LUZP2: variants seen among roughly 807,000 people sequenced by gnomAD.
The protein encoded by LUZP2 is leucine zipper protein 2.
A neutral mutation model predicts 51.6 loss-of-function variants in LUZP2; 52 were observed. That is an observed-to-expected ratio of 1.01 (90% CI 0.81 to 1.27). LUZP2 has a LOEUF of 1.27. Among genes scored for constraint, LUZP2 ranks in the 50% most tolerant of loss-of-function variants. The probability of loss-of-function intolerance (pLI) is 0.00; values close to 1 mark genes in which losing one functional copy is unlikely to be tolerated. For synonymous variants in LUZP2, 154 were observed against 137.3 expected (o/e 1.12, Z -0.85); for missense variants, 436 against 395.4 (o/e 1.10, Z -0.87).
chr11:24,899,805 T>C (rs1853217430), intron 5 of LUZP2, among the ~76,000 whole-genome samples: 1 of 152,062 alleles, frequency 6.6e-6, no homozygotes, highest in Admixed American at 6.6e-5. Context: ...CATGAAGCAA[T>C]AACTGACAGA....
intron 3 of LUZP2, among the ~76,000 whole-genome samples, chr11:24,736,508 CTTCCTTCCTTCCTTCT>C (rs974922791): frequency 1.3e-5 from 1 of 75,626 alleles, no homozygotes; most frequent in African/African-American, 3.4e-5. Flanking sequence ...TCCTTCCTTC[CTTCCTTCCTTCCTTCT>C]CAGTAGAGAT....
Position 24,740,231 on chromosome 11 carries a change from CT to C in LUZP2, c.333+1930del, listed in dbSNP as rs544502880. On this transcript the variant is annotated intron_variant, in intron 4 of 11. Coordinates refer to ENST00000336930, the MANE Select transcript of LUZP2 (RefSeq NM_001009909.4). Reference sequence around the variant, plus strand: ...TAGCTTGTATTTGCACAGCTATAAGCTAAGGCATGAACTCATAATTATTCCA... The same window carrying C: ...TAGCTTGTATTTGCACAGCTATAAGCAAGGCATGAACTCATAATTATTCCA... Among the ~76,000 whole-genome samples the C allele has an allele frequency of 7.2e-4, 110 of 152,232 alleles. 1 individual carries two copies. The highest frequency in any genetic ancestry group is 2.6e-3 in the African/African-American group (107 of 41,562).
At chr11:24,949,090 A>C (rs1335844234) in intron 7 of LUZP2, among the ~76,000 whole-genome samples, 1 of 151,704 alleles carries the variant, frequency 6.6e-6, no homozygotes, top group African/African-American at 2.4e-5. Context: ...CAAACATCTG[A>C]AAACTAGGAG....
rs192031680 is a variant in LUZP2, at chr11:24,707,933, C to T, written c.63-21236C>T. Among the ~76,000 whole-genome samples the T allele has an allele frequency of 3.0e-3, 450 of 152,144 alleles. 1 individual carries two copies. The highest frequency in any genetic ancestry group is 0.011 in the African/African-American group (438 of 41,520). On this transcript the variant is annotated intron_variant, in intron 1 of 11. Transcript: ENST00000336930. ...GGTTCTTATCTCTGACGCACGTGGCCCCTGCTGCAGTGTCATTCCCCCATT... is the reference window on the plus strand; with the variant it reads ...GGTTCTTATCTCTGACGCACGTGGCTCCTGCTGCAGTGTCATTCCCCCATT...
intron 5 of LUZP2, among the ~76,000 whole-genome samples, chr11:24,813,237 G>C (rs1590575236): frequency 6.6e-6 from 1 of 152,016 alleles, no homozygotes; most frequent in Non-Finnish European, 1.5e-5. Context: ...TTCTTGTCTG[G>C]TAGTTCTCTA....
At position 24,519,905 on chromosome 11, in the gene LUZP2, C is replaced by T. The variant is rs185604093; in HGVS notation, c.62+22600C>T. On this transcript the variant is annotated intron_variant, in intron 1 of 11. Coordinates refer to ENST00000336930, the MANE Select transcript of LUZP2 (RefSeq NM_001009909.4). ...GACATGAAGATACTTGTTGACAGCA[C>T]AGTACCTTTGTTCCTCTCTAGTAAC... is the stretch of plus-strand genomic sequence containing the variant. 3.9e-3 allele frequency among the ~76,000 whole-genome samples: 594 copies of T among 152,320 alleles called. 1 individual carries two copies. Among genetic ancestry groups the T allele is most frequent in the Middle Eastern group, 0.017 (5 of 294 alleles).
chr11:24,540,235 C>T (rs904922655), intron 1 of LUZP2, among the ~76,000 whole-genome samples: 4 of 151,990 alleles, frequency 2.6e-5, no homozygotes, highest in Admixed American at 1.3e-4. Context: ...ACGTTAGAAG[C>T]CCACAAGTAG....
intron 1 of LUZP2, among the ~76,000 whole-genome samples, chr11:24,609,714 A>C (rs1288332217): frequency 1.5e-5 from 2 of 131,690 alleles, no homozygotes. Flanking sequence ...TGGATGATAG[A>C]GCAAGACTCC....
At chr11:25,045,814 T>C (rs966712382) in intron 9 of LUZP2, among the ~76,000 whole-genome samples, 3 of 152,210 alleles carry the variant, frequency 2.0e-5, no homozygotes, top group Non-Finnish European at 2.9e-5. Flanking sequence ...AGTTTCACTT[T>C]ATTGACTTGA....
intron 5 of LUZP2, among the ~76,000 whole-genome samples, chr11:24,774,418 T>G (rs1848852286): frequency 7.5e-6 from 1 of 133,470 alleles, no homozygotes; most frequent in East Asian, 2.3e-4. Flanking sequence ...AATATATTCT[T>G]TATATATCTG....
In LUZP2 at chr11:24,910,696, T is replaced by G. The variant is rs193284986; in HGVS notation, c.460-3780T>G. On this transcript the variant is annotated intron_variant, in intron 6 of 11. Coordinates refer to ENST00000336930, the MANE Select transcript of LUZP2 (RefSeq NM_001009909.4). ...ATGCCTGGATGTCCAGGCAGAAATGTCCTGCAGGGGCGGAAGCCACATGGA... is the reference window on the plus strand; with the variant it reads ...ATGCCTGGATGTCCAGGCAGAAATGGCCTGCAGGGGCGGAAGCCACATGGA... 4.6e-5 allele frequency among the ~76,000 whole-genome samples: 7 copies of G among 152,234 alleles called. No homozygotes were observed. In the East Asian group the frequency reaches 1.4e-3, roughly 30 times the overall value.
At chr11:24,705,187 A>T (rs1857539046) in intron 1 of LUZP2, among the ~76,000 whole-genome samples, 1 of 152,122 alleles carries the variant, frequency 6.6e-6, no homozygotes, top group African/African-American at 2.4e-5. Context: ...TCTTCCTACA[A>T]CTACATTTGT....
chr11:24,554,955 C>G, intron 1 of LUZP2, among the ~76,000 whole-genome samples: 1 of 152,004 alleles, frequency 6.6e-6, no homozygotes, highest in East Asian at 1.9e-4. Context: ...TCCCAAAAAG[C>G]TACTATGGTG....
chr11:24,614,636 C>T (rs1012726775), intron 1 of LUZP2, among the ~76,000 whole-genome samples: 17 of 151,956 alleles, frequency 1.1e-4, no homozygotes, highest in African/African-American at 4.1e-4. Flanking sequence ...AAAAATTATT[C>T]CTGATTTAGA....
chr11:25,042,924 G>A (rs373715406), intron 9 of LUZP2, among the ~76,000 whole-genome samples: 6 of 152,126 alleles, frequency 3.9e-5, no homozygotes, highest in African/African-American at 1.4e-4. Flanking sequence ...TAACCACCAC[G>A]GTATAGGGCC....
chr11:25,059,728 C>G (rs1377670480), intron 10 of LUZP2, among the ~76,000 whole-genome samples: 1 of 151,958 alleles, frequency 6.6e-6, no homozygotes, highest in East Asian at 1.9e-4. Flanking sequence ...ATCATAAACA[C>G]AAAAGGAGGA....
intron 10 of LUZP2, among the ~76,000 whole-genome samples, chr11:25,052,194 T>C (rs985053824): frequency 3.9e-5 from 6 of 152,182 alleles, no homozygotes; most frequent in African/African-American, 1.4e-4. Flanking sequence ...CAGATTCAAT[T>C]ATAGATAATA....
intron 9 of LUZP2, 104 bp from the exon 10 acceptor site, chr11:25,049,934 A>T (rs1858438888): frequency 2.0e-6 from 1 of 510,066 alleles, no homozygotes; most frequent in African/African-American, 2.0e-5. Context: ...TTGCTATAAT[A>T]TTATATCATG....
intron 5 of LUZP2, among the ~76,000 whole-genome samples, chr11:24,779,134 G>A (rs144777293): frequency 2.6e-5 from 4 of 152,180 alleles, no homozygotes; most frequent in African/African-American, 9.6e-5. Flanking sequence ...TTTCATCATT[G>A]CACCTATATT....
Sources: allele counts gnomAD v4.1 joint callset (sites outside exome capture counted in the v4.1 genomes callset), GRCh38; gene constraint gnomAD v4.1.1; transcripts MANE v1.5; gene names NCBI Gene and HGNC (gene_info 2026-07-23, HGNC 2026-07-21).